Variants in PCNT observed in about 807,000 individuals in gnomAD.
The protein encoded by PCNT is kendrin.
Under a neutral mutation model 380.4 loss-of-function variants are expected in PCNT, and 319 were observed. The ratio of observed to expected loss-of-function variants is 0.84; its 90% CI spans 0.77 to 0.92. The LOEUF (loss-of-function observed/expected upper bound fraction) is 0.92, where lower values mean the gene tolerates loss of function less well. PCNT is among the 40% of genes least tolerant of loss of function. The pLI, the probability that PCNT is intolerant of heterozygous loss-of-function variation, is 0.00. For missense variants in PCNT, 4,400 were observed against 4,255.3 expected, an observed-to-expected ratio of 1.03 and a Z score of -0.95; for synonymous variants, 1,845 against 1,735.2, an observed-to-expected ratio of 1.06 and a Z score of -1.57.
intron 15 of PCNT, among the ~76,000 whole-genome samples, chr21:46,369,140 T>C (rs1224258208): frequency 6.6e-6 from 1 of 152,256 alleles, no homozygotes; most frequent in Non-Finnish European, 1.5e-5. Context: ...CTCCCTCTGC[T>C]CTCCTGAGTA....
intron 16 of PCNT, among the ~76,000 whole-genome samples, chr21:46,383,895 G>A (rs1184288919): frequency 1.3e-3 from 183 of 145,250 alleles, no homozygotes; most frequent in African/African-American, 4.5e-3. Flanking sequence ...TGTGCATTCA[G>A]TGGCAGAAGC....
At chr21:46,324,426 T>G (rs2083286147) in intron 1 of PCNT, 144 bp downstream of exon 1, 3 of 758,014 alleles carry the variant, frequency 4.0e-6, no homozygotes, top group Non-Finnish European at 6.9e-6. Flanking sequence ...CCGGCTCCGC[T>G]GGAAGCCGCC....
At chr21:46,440,330 G>C (rs1181416663) in intron 42 of PCNT, 128 bp downstream of exon 42, 2 of 966,820 alleles carry the variant, frequency 2.1e-6, no homozygotes, top group Admixed American at 3.6e-5. Flanking sequence ...ATCACTAAAG[G>C]AAAGGACGTT....
intron 3 of PCNT, among the ~76,000 whole-genome samples, chr21:46,343,500 G>A (rs1389954494): frequency 3.3e-5 from 5 of 152,078 alleles, no homozygotes; most frequent in African/African-American, 7.2e-5. Context: ...TCTTTTTTAT[G>A]TGCTGTTGGA....
chr21:46,436,922 T>C, intron 39 of PCNT, 57 bp from the exon 40 acceptor site: 1 of 1,233,648 alleles, frequency 8.1e-7, no homozygotes, highest in Non-Finnish European at 1.2e-6. Context: ...TGTTTAGTTT[T>C]GCATAATGGT....
In PCNT at chr21:46,422,249, A is replaced by G. The variant is rs1319329636; in HGVS notation, c.7179+125A>G. The G allele has an allele frequency of 3.2e-6, 4 of 1,237,426 alleles. No homozygotes were observed. The South Asian group carries it at 3.8e-5, about 12-fold the overall frequency. The allele number at this position is 1,237,426 out of a possible 1,614,324, so 76.7% of individuals were successfully genotyped here. A position where few individuals can be genotyped will look rare whatever the true frequency, so the allele number is the denominator to read the frequency against. The stretch of plus-strand genomic sequence containing the variant: ...CAGCTTTTCCTGGGTGCCTCTGAGC[A>G]CCTGCATTTTAATGACTCACGGGAG... On this transcript the variant is annotated intron_variant, in intron 32 of 46. Coordinates refer to ENST00000359568, the MANE Select transcript of PCNT (RefSeq NM_006031.6).
In PCNT at chr21:46,416,688, A is replaced by G. The variant is rs1190773272; in HGVS notation, c.6770A>G (p.Asp2257Gly). 2 of 1,565,130 alleles carry G rather than the reference A, an allele frequency of 1.3e-6. No homozygotes were observed. Among genetic ancestry groups the G allele is most frequent in the Non-Finnish European group, 1.7e-6 (2 of 1,155,614 alleles). The change falls in exon 30 of 47, where the codon GAC becomes GGC. Residue 2257 changes from aspartate to glycine, a missense_variant. Transcript: ENST00000359568. The part of the protein sequence containing the change: ...HSGALSLCSA[D>G]TSLGDRADTS... ...GGAGCCCTGAGCCTGTGCAGTGCCGACACATCCCTGGGGGACAGGGCGGAC... is the reference window on the plus strand; with the variant it reads ...GGAGCCCTGAGCCTGTGCAGTGCCGGCACATCCCTGGGGGACAGGGCGGAC...
At position 46,331,342 on chromosome 21, in the gene PCNT, C is replaced by A. The variant is rs148109255; in HGVS notation, c.268-3055C>A. Among the ~76,000 whole-genome samples the A allele has an allele frequency of 1.9e-3, 275 of 147,386 alleles. 1 individual carries two copies. The highest frequency in any genetic ancestry group is 1.9e-3 in the Non-Finnish European group (129 of 67,832). ...CAGCTGATATAAGACATATTTTTAACCAACTTTAAGATCTTAGTTTTTTTT... is the reference window on the plus strand; with the variant it reads ...CAGCTGATATAAGACATATTTTTAAACAACTTTAAGATCTTAGTTTTTTTT... On this transcript the variant is annotated intron_variant, in intron 2 of 46. Coordinates refer to ENST00000359568, the MANE Select transcript of PCNT (RefSeq NM_006031.6).
chr21:46,345,146 T>G (rs1362055612), intron 3 of PCNT, among the ~76,000 whole-genome samples: 1 of 152,210 alleles, frequency 6.6e-6, no homozygotes, highest in African/African-American at 2.4e-5. Flanking sequence ...GAGAGCAGGT[T>G]GTTTGTTCCT....
chr21:46,425,955 A>C lies in PCNT; in HGVS notation c.7304A>C (p.His2435Pro), dbSNP rs373432697. 1 of 1,613,918 alleles carries C rather than the reference A, an allele frequency of 6.2e-7. No homozygotes were observed. The highest frequency in any genetic ancestry group is 1.7e-5 in the Admixed American group (1 of 60,018). Residue 2435 changes from histidine to proline, a missense_variant, in exon 33 of 47, where the codon CAT becomes CCT. Coordinates refer to ENST00000359568, the MANE Select transcript of PCNT (RefSeq NM_006031.6). The surrounding 1 kb of genome is among the most constrained non-coding windows in gnomAD (Gnocchi z 4.2). The stretch of plus-strand genomic sequence containing the variant: ...GACGAGATACAGGACATCTCGCTCC[A>C]TGGGGGAAAGACGCAGGTTTATTTT... ...KEDEIQDISL[H>P]GGKTQEVPTA... is the part of the protein sequence containing the mutation.
Position 46,416,809 on chromosome 21 carries a change from T to G in PCNT, c.6891T>G (p.Ala2297=). 3 of 1,598,836 alleles carry G rather than the reference T, an allele frequency of 1.9e-6. No homozygotes were observed. The highest frequency in any genetic ancestry group is 2.5e-6 in the Non-Finnish European group (3 of 1,179,508). Residue 2297 remains alanine, a synonymous_variant, in exon 30 of 47, where the codon GCT becomes GCG. Coordinates refer to ENST00000359568, the MANE Select transcript of PCNT (RefSeq NM_006031.6). Reference sequence around the variant, plus strand: ...TGCAGTGGGCCGAGTCTCCGCCGGCTGACGACCACCATGTGCAGAGGACGG... The same window carrying G: ...TGCAGTGGGCCGAGTCTCCGCCGGCGGACGACCACCATGTGCAGAGGACGG... The part of the protein sequence containing the change: ...LALQWAESPP[A]DDHHVQRTAV...
At chr21:46,384,511 C>T (rs143582681) in intron 16 of PCNT, among the ~76,000 whole-genome samples, 8 of 147,154 alleles carry the variant, frequency 5.4e-5, no homozygotes, top group East Asian at 4.2e-4. Context: ...CATTCAGTGA[C>T]GGAAGAGCAT....
rs1044998 is a variant in PCNT at position 46,416,481 on chromosome 21, T to G, written c.6563T>G (p.Met2188Arg). The stretch of plus-strand genomic sequence containing the variant: ...CAAGAAAAATCAGAATGTCAGGACA[T>G]GTCTCTTTCTTCACCGACCAGCGTA... ...PIQEKSECQD[M>R]SLSSPTSVLG... Residue 2188 changes from methionine (M) to arginine (R), a missense_variant, in exon 30 of 47, where the codon ATG becomes AGG. Transcript: ENST00000359568. The G allele has an allele frequency of 0.091, 146,490 of 1,613,944 alleles. 12,116 individuals are homozygous for G. The highest frequency in any genetic ancestry group is 0.44 in the African/African-American group (33,288 of 74,992).
In PCNT at chr21:46,425,841, A is replaced by G. The variant is rs759717669; in HGVS notation, c.7190A>G (p.Gln2397Arg). The change falls in exon 33 of 47, where the codon CAG becomes CGG. Residue 2397 changes from glutamine to arginine, a missense_variant. By Grantham distance (43) the Gln-to-Arg change is conservative. Transcript: ENST00000359568. The surrounding 1 kb of genome is among the most constrained non-coding windows in gnomAD (Gnocchi z 4.2). ...VRPKHVKALLQMVRDESHQIL... is the reference protein window; with the variant it reads ...VRPKHVKALLRMVRDESHQIL... Reference sequence around the variant, plus strand: ...GCTTTCCCGCCACAGGCTTTACTGCAGATGGTGCGTGACGAGAGCCACCAG... The same window carrying G: ...GCTTTCCCGCCACAGGCTTTACTGCGGATGGTGCGTGACGAGAGCCACCAG... 6.2e-7 allele frequency: 1 copy of G among 1,613,696 alleles called. No homozygotes were observed. The highest frequency in any genetic ancestry group is 8.5e-7 in the Non-Finnish European group (1 of 1,180,014).
Position 46,425,992 on chromosome 21 carries a change from A to T in PCNT, c.7320+21A>T, listed in dbSNP as rs751885234. Reference sequence around the variant, plus strand: ...CGCAGGTTTATTTTGCCCTTCACACACTTCTTTTCCAAAGGATTTAAGGAG... The same window carrying T: ...CGCAGGTTTATTTTGCCCTTCACACTCTTCTTTTCCAAAGGATTTAAGGAG... On this transcript the variant is annotated intron_variant, in intron 33 of 46. Transcript: ENST00000359568. This position sits in a 1 kb window ranked among gnomAD's most constrained non-coding sequence, Gnocchi z 4.2. The T allele has an allele frequency of 6.2e-7, 1 of 1,610,052 alleles. No individual in the cohort carries two copies. Among genetic ancestry groups the T allele is most frequent in the Admixed American group, 1.7e-5 (1 of 59,682 alleles).
rs78744058 is a variant in PCNT at position 46,394,738 on chromosome 21, G to A, written c.4217-2527G>A. On this transcript the variant is annotated intron_variant, in intron 21 of 46. Coordinates refer to ENST00000359568, the MANE Select transcript of PCNT (RefSeq NM_006031.6). ...AGCAAAACAGGAGCATTTCTCTAAC[G>A]GTCTTTACTACAGTGCCTAAGCTAC... Among the ~76,000 whole-genome samples, 397 of 152,298 alleles carry A rather than the reference G, an allele frequency of 2.6e-3. 1 individual carries two copies. Among genetic ancestry groups the A allele is most frequent in the African/African-American group, 9.1e-3 (380 of 41,560 alleles).
At chr21:46,415,952 A>T (rs143776677) in intron 29 of PCNT, 117 bp from the exon 30 acceptor site, 1 of 893,644 alleles carries the variant, frequency 1.1e-6, no homozygotes, top group Admixed American at 2.0e-5. Context: ...TGCAGGGCTC[A>T]TTGTGGAATC....
intron 16 of PCNT, among the ~76,000 whole-genome samples, chr21:46,384,234 A>G (rs1383749704): frequency 1.4e-5 from 2 of 146,696 alleles, no homozygotes; most frequent in Non-Finnish European, 3.0e-5. Context: ...TTGTGCGTTC[A>G]GTGGCGGAAG....
chr21:46,422,479 A>G (rs2087296670), intron 32 of PCNT, among the ~76,000 whole-genome samples: 1 of 151,508 alleles, frequency 6.6e-6, no homozygotes, highest in South Asian at 2.1e-4. Flanking sequence ...CAGACGCCGC[A>G]GTGCTCTAGG....
Sources: allele counts gnomAD v4.1 joint callset (sites outside exome capture counted in the v4.1 genomes callset), GRCh38; gene constraint gnomAD v4.1.1; non-coding constraint Gnocchi (gnomAD v3.1); transcripts MANE v1.5; gene names NCBI Gene and HGNC (gene_info 2026-07-23, HGNC 2026-07-21).